The following DTNA variants were observed in gnomAD, a reference collection of about 807,000 sequenced individuals.
DTNA encodes dystrobrevin alpha, also known as dystrophin-related protein 3.
In DTNA, 43 loss-of-function variants were observed where a neutral mutation model predicts 100.7. That is an observed-to-expected ratio of 0.43 (90% CI 0.33 to 0.55). The LOEUF is 0.55. Among genes scored for constraint, DTNA ranks in the 20% least tolerant of loss-of-function variants. The pLI, the probability that DTNA is intolerant of heterozygous loss-of-function variation, is 0.04. For synonymous variants in DTNA, 349 were observed against 347.9 expected, an observed-to-expected ratio of 1.00 and a Z score of -0.04; for missense variants, 798 against 953.9, an observed-to-expected ratio of 0.84 and a Z score of 2.15.
At chr18:34,497,950 C>G (rs956335132) in intron 1 of DTNA, among the ~76,000 whole-genome samples, 4 of 152,094 alleles carry the variant, frequency 2.6e-5, no homozygotes, top group Admixed American at 6.5e-5. Context: ...AGGAAAATAT[C>G]TTTAACAGCT....
At chr18:34,609,348 G>GATTC (rs2053772190) in intron 1 of DTNA, among the ~76,000 whole-genome samples, 1 of 150,768 alleles carries the variant, frequency 6.6e-6, no homozygotes, top group Non-Finnish European at 1.5e-5. Context: ...GGGTTCAAGC[G>GATTC]ATTCTCCTGC....
intron 1 of DTNA, among the ~76,000 whole-genome samples, chr18:34,721,181 T>A (rs1376688868): frequency 6.6e-6 from 1 of 152,214 alleles, no homozygotes; most frequent in Admixed American, 6.5e-5. Flanking sequence ...GGTTTACTAA[T>A]GCATCCTGCT....
At chr18:34,815,492 G>A (rs9952825) in intron 6 of DTNA, 53,741 of 219,382 alleles carry the variant, frequency 0.24, 6,994 homozygotes, top group African/African-American at 0.29. Context: ...AGGAAGCTCA[G>A]AAGGGAAGTT....
At chr18:34,548,744 C>T (rs1427891091) in intron 1 of DTNA, among the ~76,000 whole-genome samples, 1 of 151,926 alleles carries the variant, frequency 6.6e-6, no homozygotes, top group African/African-American at 2.4e-5. Flanking sequence ...TTTCACTGAC[C>T]CCTGAACAAA....
intron 1 of DTNA, among the ~76,000 whole-genome samples, chr18:34,724,045 CTTTAT>C (rs1384087758): frequency 9.2e-5 from 14 of 152,144 alleles, no homozygotes; most frequent in East Asian, 3.9e-4. Context: ...GTTTTTATTG[CTTTAT>C]TTTAATAGTA....
At chr18:34,683,876 A>G (rs541115824) in intron 1 of DTNA, among the ~76,000 whole-genome samples, 36 of 152,294 alleles carry the variant, frequency 2.4e-4, no homozygotes, top group African/African-American at 8.4e-4. Flanking sequence ...AAATGCACCC[A>G]TTAATTATAT....
chr18:34,545,676 T>G (rs907629131), intron 1 of DTNA, among the ~76,000 whole-genome samples: 3 of 152,120 alleles, frequency 2.0e-5, no homozygotes, highest in African/African-American at 7.2e-5. Flanking sequence ...ATTTCAGAGC[T>G]TCCCACTACC....
Position 34,766,025 on chromosome 18 carries a change from T to G in DTNA, c.132T>G (p.Val44=). The change falls in exon 3 of 23, where the codon GTT becomes GTG. Residue 44 remains valine, a synonymous_variant. Transcript: ENST00000444659. ...TYRTACKLRF[V]QKKCNLHLVD... is the part of the protein sequence containing the mutation. ...GAACAGCATGCAAGCTTAGGTTTGT[T>G]CAGAAGAAATGCAATTGTAAGTATG... 6.2e-7 allele frequency: 1 copy of G among 1,613,782 alleles called. No homozygotes were observed.
intron 20 of DTNA, among the ~76,000 whole-genome samples, chr18:34,881,246 T>C (rs899551223): frequency 1.4e-4 from 21 of 152,208 alleles, no homozygotes; most frequent in Admixed American, 1.4e-3. Context: ...TTAATATTTC[T>C]ATTGTCTAAA....
chr18:34,682,642 C>T (rs2078289032), intron 1 of DTNA, among the ~76,000 whole-genome samples: 1 of 152,038 alleles, frequency 6.6e-6, no homozygotes, highest in Non-Finnish European at 1.5e-5. Context: ...TACTTTCTAA[C>T]TTTGTATCTT....
intron 3 of DTNA, among the ~76,000 whole-genome samples, chr18:34,785,270 A>G (rs766816938): frequency 6.6e-6 from 1 of 152,176 alleles, no homozygotes; most frequent in Non-Finnish European, 1.5e-5. Context: ...ACAGTCTCTC[A>G]TGGATTTATA....
At chr18:34,725,316 A>G (rs2086366805) in intron 1 of DTNA, among the ~76,000 whole-genome samples, 1 of 152,130 alleles carries the variant, frequency 6.6e-6, no homozygotes, top group Non-Finnish European at 1.5e-5. Flanking sequence ...GGCAACCTAC[A>G]GAATAGGAGA....
In DTNA at chr18:34,560,116, G is replaced by A. The variant is rs140784827; in HGVS notation, c.-2+66602G>A. On this transcript the variant is annotated intron_variant, in intron 1 of 19. Transcript: ENST00000283365. ...CTCCTATTTATCTTTCTGGGCTGAG[G>A]TTTTAAGTGATCTCACCCTGTAAAC... Among the ~76,000 whole-genome samples the A allele has an allele frequency of 2.3e-3, 346 of 152,172 alleles. 2 individuals are homozygous for A. The highest frequency in any genetic ancestry group is 3.6e-3 in the Non-Finnish European group (243 of 68,016).
chr18:34,664,901 C>G lies in DTNA; in HGVS notation c.-1-91075C>G, dbSNP rs575619295. On this transcript the variant is annotated intron_variant, in intron 1 of 19. Transcript: ENST00000283365. ...AACCTCTGATGTAGGATATGGGATC[C>G]CTTTTTTTAACCCCAAAGTAGCATG... 2.6e-5 allele frequency among the ~76,000 whole-genome samples: 4 copies of G among 151,880 alleles called. No homozygotes were observed. The South Asian group carries it at 8.4e-4, about 32-fold the overall frequency.
intron 1 of DTNA, chr18:34,737,685 A>T (rs2147594992): frequency 6.6e-6 from 1 of 152,264 alleles, no homozygotes; most frequent in Non-Finnish European, 1.5e-5. Flanking sequence ...CGTTGGATTC[A>T]TATTCTGTAA....
chr18:34,674,709 A>G (rs571074741), intron 1 of DTNA, among the ~76,000 whole-genome samples: 2 of 152,366 alleles, frequency 1.3e-5, no homozygotes, highest in East Asian at 1.9e-4. Context: ...CTGTTCCACT[A>G]TCAATCATTT....
chr18:34,640,125 A>G (rs1320441029), intron 1 of DTNA, among the ~76,000 whole-genome samples: 1 of 152,230 alleles, frequency 6.6e-6, no homozygotes, highest in Non-Finnish European at 1.5e-5. Flanking sequence ...GTTAATCTAC[A>G]GTTGGACAAT....
intron 1 of DTNA, among the ~76,000 whole-genome samples, chr18:34,743,655 C>T (rs905222273): frequency 1.3e-5 from 2 of 152,050 alleles, no homozygotes; most frequent in African/African-American, 4.8e-5. Context: ...GCTCCTTCTG[C>T]AACATAGAAT....
intron 3 of DTNA, among the ~76,000 whole-genome samples, chr18:34,775,845 A>G (rs937372872): frequency 1.3e-5 from 2 of 152,256 alleles, no homozygotes; most frequent in Non-Finnish European, 2.9e-5. Context: ...CCTTAACTAC[A>G]GAACTGTGAG....
Sources: allele counts gnomAD v4.1 joint callset (sites outside exome capture counted in the v4.1 genomes callset), GRCh38; gene constraint gnomAD v4.1.1; transcripts MANE v1.5; gene names NCBI Gene and HGNC (gene_info 2026-07-23, HGNC 2026-07-21).